Variants in USP34 observed in about 807,000 individuals in gnomAD.
The protein encoded by USP34 is ubiquitin specific peptidase 34.
Under a neutral mutation model 460.3 loss-of-function variants are expected in USP34, and 70 were observed. That is an observed-to-expected ratio of 0.15 (90% confidence interval 0.13 to 0.19). The LOEUF (loss-of-function observed/expected upper bound fraction) is 0.19, where lower values mean the gene tolerates loss of function less well. USP34 is among the 10% of genes least tolerant of loss of function. The pLI is 1.00. For missense variants in USP34, 3,985 were observed against 4,236.2 expected (o/e 0.94, Z 1.65); for synonymous variants, 1,647 against 1,405.3 (o/e 1.17, Z -3.85).
At chr2:61,396,725 T>C (rs1314630643) in intron 3 of USP34, among the ~76,000 whole-genome samples, 1 of 152,018 alleles carries the variant, frequency 6.6e-6, no homozygotes, top group African/African-American at 2.4e-5. Context: ...CCTGACCTCA[T>C]GATCCACCCG....
chr2:61,320,271 C>G (rs537108009), intron 21 of USP34, among the ~76,000 whole-genome samples: 1 of 152,316 alleles, frequency 6.6e-6, no homozygotes, highest in East Asian at 1.9e-4. Context: ...GGACTAGTAT[C>G]TTAAGGACAG....
chr2:61,300,270 T>C (rs183717082), intron 29 of USP34, among the ~76,000 whole-genome samples: 48 of 152,172 alleles, frequency 3.2e-4, no homozygotes, highest in African/African-American at 1.1e-3. Context: ...TCTGCCTACC[T>C]TTCCAATTTC....
chr2:61,314,518 A>G, intron 25 of USP34, 67 bp downstream of exon 25: 1 of 1,325,632 alleles, frequency 7.5e-7, no homozygotes, highest in Non-Finnish European at 9.9e-7. Flanking sequence ...TCACTTTAAG[A>G]ATATTTCTGG....
intron 71 of USP34, 60 bp downstream of exon 71, chr2:61,206,700 A>G (rs1687129508): frequency 3.2e-6 from 5 of 1,579,350 alleles, no homozygotes; most frequent in Non-Finnish European, 4.3e-6. Context: ...CATGATTTTA[A>G]AACCTTCTCT....
At position 61,383,309 on chromosome 2, in the gene USP34, C is replaced by G. The variant is rs963468279; in HGVS notation, c.781G>C (p.Val261Leu). 6.2e-7 allele frequency: 1 copy of G among 1,604,650 alleles called. No individual in the cohort carries two copies. The highest frequency in any genetic ancestry group is 8.5e-7 in the Non-Finnish European group (1 of 1,174,612). Residue 261 changes from valine (V) to leucine (L), a missense_variant, in exon 6 of 80, where the codon GTC becomes CTC. This residue lies in a region of USP34 where 70 missense variants were observed against 109.5 expected (regional missense o/e 0.64). Transcript: ENST00000398571. ...NIRIWLHIPA[V>L]MQHIIPFRTY... ...CTAAAAGGTATAATGTGCTGCATGA[C>G]AGCGGGAATATGTAGCCATATTCTA... is the stretch of plus-strand genomic sequence containing the variant.
At chr2:61,417,074 G>C (rs1694219169) in intron 2 of USP34, 4 of 1,387,458 alleles carry the variant, frequency 2.9e-6, no homozygotes, top group Non-Finnish European at 1.0e-6. Context: ...GCCCTGAGCA[G>C]GACCTCAATC....
chr2:61,208,396 T>A (rs1687181119), intron 70 of USP34: 1 of 152,230 alleles, frequency 6.6e-6, no homozygotes, highest in Non-Finnish European at 1.5e-5. Context: ...CTAAAATGTA[T>A]AAAATCAAGC....
At position 61,348,489 on chromosome 2, in the gene USP34, T is replaced by A; in HGVS notation, c.1675-9A>T. On this transcript the variant is annotated splice_polypyrimidine_tract_variant and intron_variant, in intron 14 of 79. Coordinates refer to ENST00000398571, the MANE Select transcript of USP34 (RefSeq NM_014709.4). ...CTTCCCTGCATGGATTCCTGTATTT[T>A]GAAACAAATAGATTTAAATAAATAT... The A allele has an allele frequency of 6.2e-7, 1 of 1,601,978 alleles. No individual in the cohort carries two copies. The highest frequency in any genetic ancestry group is 2.2e-5 in the East Asian group (1 of 44,742).
intron 1 of USP34, among the ~76,000 whole-genome samples, chr2:61,447,670 G>T (rs940279946): frequency 1.3e-5 from 2 of 152,044 alleles, no homozygotes; most frequent in African/African-American, 4.8e-5. Flanking sequence ...AAAAAGACAT[G>T]AATACAAGAT....
At chr2:61,461,624 G>C (rs1695603308) in intron 1 of USP34, among the ~76,000 whole-genome samples, 1 of 152,054 alleles carries the variant, frequency 6.6e-6, no homozygotes, top group Non-Finnish European at 1.5e-5. Context: ...TGAGTAGCTG[G>C]GAATACTACA....
chr2:61,196,069 A>AGTTTTTT (rs1686795624), intron 75 of USP34, among the ~76,000 whole-genome samples: 1 of 41,576 alleles, frequency 2.4e-5, no homozygotes, highest in Non-Finnish European at 4.0e-5. Flanking sequence ...ACCATGCACG[A>AGTTTTTT]TTTTTTTTTT....
At chr2:61,244,387 G>A (rs534232893) in intron 51 of USP34, among the ~76,000 whole-genome samples, 1 of 152,132 alleles carries the variant, frequency 6.6e-6, no homozygotes, top group South Asian at 2.1e-4. Flanking sequence ...GGCTGCAGTA[G>A]GTGGATTACT....
intron 20 of USP34, among the ~76,000 whole-genome samples, chr2:61,328,097 G>C: frequency 6.6e-6 from 1 of 152,074 alleles, no homozygotes; most frequent in African/African-American, 2.4e-5. Context: ...GAGGTCAAGA[G>C]TTCGAGACCA....
intron 67 of USP34, among the ~76,000 whole-genome samples, chr2:61,218,593 A>T (rs1687470734): frequency 6.6e-6 from 1 of 151,136 alleles, no homozygotes; most frequent in African/African-American, 2.4e-5. Flanking sequence ...TCCTTCCAGG[A>T]TCCCATCTAG....
chr2:61,363,629 T>C (rs139290835), intron 10 of USP34, among the ~76,000 whole-genome samples: 1 of 152,354 alleles, frequency 6.6e-6, no homozygotes, highest in African/African-American at 2.4e-5. Flanking sequence ...ATAAGCTCCA[T>C]TATAATCTTA....
Position 61,343,838 on chromosome 2 carries a change from A to G in USP34, c.2477T>C (p.Ile826Thr). ...LQQHLPNLAS[I>T]YHEHLSQGPV... ...ACCTTGACTAAGATGTTCATGGTAA[A>G]TGGAAGCTAAATTGGGAAGATGTTG... Residue 826 changes from isoleucine (I) to threonine (T), a missense_variant, in exon 16 of 80, where the codon ATT (isoleucine) becomes ACT (threonine). Physicochemically the swap from Ile to Thr is moderately conservative, Grantham distance 89 (BLOSUM62 -1). This residue lies in a region of USP34 where 716 missense variants were observed against 626.2 expected (regional missense o/e 1.14). Transcript: ENST00000398571. 1 of 1,614,004 alleles carries G rather than the reference A, an allele frequency of 6.2e-7. No homozygotes were observed. Among genetic ancestry groups the G allele is most frequent in the Non-Finnish European group, 8.5e-7 (1 of 1,179,914 alleles).
intron 48 of USP34, among the ~76,000 whole-genome samples, chr2:61,255,563 C>T (rs1307629282): frequency 6.6e-6 from 1 of 152,220 alleles, no homozygotes; most frequent in Non-Finnish European, 1.5e-5. Flanking sequence ...CAAAGAAATG[C>T]TGTGAGGATT....
intron 1 of USP34, among the ~76,000 whole-genome samples, chr2:61,465,601 G>A (rs923955783): frequency 5.3e-5 from 8 of 152,252 alleles, no homozygotes; most frequent in African/African-American, 1.9e-4. Context: ...CCAGTACTTG[G>A]GGAGGCTGAG....
chr2:61,313,727 G>C (rs1033626796), intron 25 of USP34, among the ~76,000 whole-genome samples: 4 of 152,036 alleles, frequency 2.6e-5, no homozygotes, highest in Admixed American at 2.0e-4. Flanking sequence ...GAATTTCCAT[G>C]AATTGCAATC....
Sources: allele counts gnomAD v4.1 joint callset (sites outside exome capture counted in the v4.1 genomes callset), GRCh38; gene constraint gnomAD v4.1.1; regional missense constraint gnomAD v4.1.1; transcripts MANE v1.5; gene names NCBI Gene and HGNC (gene_info 2026-07-23, HGNC 2026-07-21).